The following PAMR1 variants were observed in gnomAD, a reference collection of about 807,000 sequenced individuals.
The protein encoded by PAMR1 is peptidase domain containing associated with muscle regeneration 1, also known as inactive serine protease PAMR1.
Under a neutral mutation model 81.8 loss-of-function variants are expected in PAMR1, and 88 were observed. That is an observed-to-expected ratio of 1.08 (90% CI 0.91 to 1.28). The LOEUF is 1.28. Ranked by LOEUF, PAMR1 falls within the 50% of genes most tolerant of loss-of-function variation. PAMR1 has a pLI of 0.00. For synonymous variants in PAMR1, 336 were observed against 345.3 expected, an observed-to-expected ratio of 0.97 and a Z score of 0.30; for missense variants, 935 against 919.7, an observed-to-expected ratio of 1.02 and a Z score of -0.21.
chr11:35,479,956 G>A (rs983314839), intron 3 of PAMR1, among the ~76,000 whole-genome samples: 6 of 152,142 alleles, frequency 3.9e-5, no homozygotes, highest in Non-Finnish European at 8.8e-5. Context: ...TTTATCAGGG[G>A]CTCAGGTGTT....
chr11:35,527,099 A>G (rs962707517), upstream of PAMR1, among the ~76,000 whole-genome samples: 3 of 152,182 alleles, frequency 2.0e-5, no homozygotes, highest in African/African-American at 7.2e-5. Flanking sequence ...AGGAGCCCTG[A>G]CACAGGTGCT....
chr11:35,464,856 C>T (rs1182588934), intron 6 of PAMR1, among the ~76,000 whole-genome samples: 1 of 152,140 alleles, frequency 6.6e-6, no homozygotes, highest in Admixed American at 6.5e-5. Context: ...CCACTCCACT[C>T]ACAGACATAC....
intron 6 of PAMR1, among the ~76,000 whole-genome samples, chr11:35,455,370 G>A (rs530573699): frequency 6.6e-6 from 1 of 152,326 alleles, no homozygotes; most frequent in Non-Finnish European, 1.5e-5. Context: ...ACCTGGGAGT[G>A]GAGGCCCCCT....
intron 7 of PAMR1, 151 bp from the exon 8 acceptor site, chr11:35,439,844 ATC>A (rs1175288347): frequency 2.0e-5 from 13 of 654,782 alleles, no homozygotes; most frequent in African/African-American, 2.0e-4. Flanking sequence ...AAGCTTGAAC[ATC>A]TCACTTTACA....
In PAMR1 at chr11:35,449,354, C is replaced by T. The variant is rs558350052; in HGVS notation, c.821-7661G>A. The stretch of plus-strand genomic sequence containing the variant: ...AGTGTGTTGAACAGGAGATCATGAC[C>T]GCCTCCCCACAGAGGCTCTGTCCCA... On this transcript the variant is annotated intron_variant, in intron 6 of 10. Transcript: ENST00000619888. Among the ~76,000 whole-genome samples, 20 of 152,110 alleles carry T rather than the reference C, an allele frequency of 1.3e-4. No homozygotes were observed. In the South Asian group the frequency reaches 1.9e-3, roughly 14 times the overall value.
At chr11:35,470,875 C>A (rs983808738) in intron 4 of PAMR1, 57 bp from the exon 5 acceptor site, 41 of 1,240,752 alleles carry the variant, frequency 3.3e-5, no homozygotes, top group African/African-American at 4.5e-5. Context: ...GTCCTGAGAC[C>A]GCTGGGCTCA....
chr11:35,467,225 G>A (rs1180490225), intron 6 of PAMR1, among the ~76,000 whole-genome samples: 1 of 152,010 alleles, frequency 6.6e-6, no homozygotes, highest in East Asian at 1.9e-4. Context: ...CCCCTACTTG[G>A]CCTCCTTCCC....
intron 6 of PAMR1, among the ~76,000 whole-genome samples, chr11:35,442,292 A>G (rs1856186852): frequency 6.6e-6 from 1 of 152,240 alleles, no homozygotes; most frequent in Non-Finnish European, 1.5e-5. Flanking sequence ...CTCCAAATAT[A>G]ACTTTCCATC....
At chr11:35,465,281 A>G (rs1391746041) in intron 6 of PAMR1, among the ~76,000 whole-genome samples, 1 of 152,148 alleles carries the variant, frequency 6.6e-6, no homozygotes, top group Admixed American at 6.5e-5. Context: ...TTTCTCATTA[A>G]TGTTGATTTT....
chr11:35,453,504 A>G (rs61880906), intron 6 of PAMR1: 1 of 151,708 alleles, frequency 6.6e-6, no homozygotes, highest in Non-Finnish European at 1.5e-5. Flanking sequence ...TATTTTCTGT[A>G]CTTCCCAAAG....
intron 10 of PAMR1, 43 bp downstream of exon 10, chr11:35,434,469 T>G: frequency 1.3e-6 from 2 of 1,584,090 alleles, no homozygotes; most frequent in Non-Finnish European, 8.6e-7. Context: ...TTGGAGTTTT[T>G]TTGAGCCAGA....
chr11:35,494,327 C>T lies in PAMR1; in HGVS notation c.74-55G>A, dbSNP rs542686849. On this transcript the variant is annotated intron_variant, in intron 1 of 10. Coordinates refer to ENST00000619888, the MANE Select transcript of PAMR1 (RefSeq NM_001001991.3). The stretch of plus-strand genomic sequence containing the variant: ...GGTCCTGGCAGGGAGTGGTAAGACT[C>T]TTTGTTTGTTTGTTTGTTTGTTTTG... 414 of 1,448,832 alleles carry T rather than the reference C, an allele frequency of 2.9e-4. 1 individual carries two copies. The African/African-American group carries it at 5.1e-3, about 18-fold the overall frequency. 89.7% of individuals were successfully genotyped at this position (1,448,832 alleles called of 1,614,324 possible).
intron 2 of PAMR1, among the ~76,000 whole-genome samples, chr11:35,492,864 G>A (rs561836446): frequency 6.6e-6 from 1 of 152,252 alleles, no homozygotes; most frequent in East Asian, 1.9e-4. Context: ...GGGAGAGGGG[G>A]GTCGTGAGAA....
intron 6 of PAMR1, among the ~76,000 whole-genome samples, chr11:35,448,918 T>C (rs576730634): frequency 7.2e-4 from 109 of 152,208 alleles, no homozygotes; most frequent in Non-Finnish European, 1.5e-3. Context: ...TTGCTGGAGG[T>C]CCACTCCAGA....
intron 3 of PAMR1, among the ~76,000 whole-genome samples, chr11:35,487,101 A>G (rs564342780): frequency 6.6e-6 from 1 of 152,182 alleles, no homozygotes; most frequent in Admixed American, 6.5e-5. Context: ...TAAGCCCTGC[A>G]GCCTGGAGCA....
intron 6 of PAMR1, among the ~76,000 whole-genome samples, chr11:35,453,815 C>A (rs1856470512): frequency 6.6e-6 from 1 of 151,954 alleles, no homozygotes; most frequent in Admixed American, 6.6e-5. Flanking sequence ...GCATTTCTGG[C>A]CTGAAGGAGC....
intron 1 of PAMR1, among the ~76,000 whole-genome samples, chr11:35,497,350 T>C (rs934445954): frequency 6.6e-6 from 1 of 152,142 alleles, no homozygotes; most frequent in African/African-American, 2.4e-5. Flanking sequence ...CTGATTCTAC[T>C]TAAATGCAAT....
chr11:35,512,632 G>A (rs936642435), intron 1 of PAMR1, among the ~76,000 whole-genome samples: 7 of 152,152 alleles, frequency 4.6e-5, no homozygotes, highest in African/African-American at 9.7e-5. Flanking sequence ...TAGTTTTCTC[G>A]TCTGTGAAAT....
At chr11:35,473,201 A>G (rs1332408246) in intron 4 of PAMR1, among the ~76,000 whole-genome samples, 2 of 152,174 alleles carry the variant, frequency 1.3e-5, no homozygotes, top group African/African-American at 2.4e-5. Flanking sequence ...CATTGTGCCT[A>G]TGCTTCCAAG....
Sources: allele counts gnomAD v4.1 joint callset (sites outside exome capture counted in the v4.1 genomes callset), GRCh38; gene constraint gnomAD v4.1.1; transcripts MANE v1.5; gene names NCBI Gene and HGNC (gene_info 2026-07-23, HGNC 2026-07-21).